Variants in DLX3 observed in about 807,000 individuals in gnomAD.
DLX3 encodes the protein distal-less homeobox 3, also known as homeobox protein DLX-3.
A neutral mutation model predicts 28.0 loss-of-function variants in DLX3; 9 were observed. The observed-to-expected ratio is 0.32, with a 90% CI of 0.19 to 0.56. DLX3 has a LOEUF of 0.56. DLX3 is among the 20% of genes least tolerant of loss of function. DLX3 has a pLI of 0.91. For missense variants in DLX3, 313 were observed against 378.2 expected (o/e 0.83, Z 1.43); for synonymous variants, 154 against 167.9 (o/e 0.92, Z 0.64).
At chr17:49,992,332 CACAGAG>C (rs376939799) in intron 2 of DLX3, among the ~76,000 whole-genome samples, 78 of 152,258 alleles carry the variant, frequency 5.1e-4, no homozygotes, top group African/African-American at 1.7e-3. Flanking sequence ...TGCACAGATA[CACAGAG>C]ACAAACACAC....
chr17:49,993,959 C>G (rs1427193910), intron 1 of DLX3, among the ~76,000 whole-genome samples: 1 of 152,088 alleles, frequency 6.6e-6, no homozygotes, highest in African/African-American at 2.4e-5. Context: ...ATCTCGCCGT[C>G]GGTTGTTTCT....
At chr17:49,994,424 T>C (rs1184884603) in intron 1 of DLX3, among the ~76,000 whole-genome samples, 1 of 152,108 alleles carries the variant, frequency 6.6e-6, no homozygotes, top group Non-Finnish European at 1.5e-5. Flanking sequence ...AGCCTTCCCC[T>C]TCCTCTCTCA....
At chr17:49,993,336 G>T in intron 2 of DLX3, 64 bp downstream of exon 2, 2 of 1,512,074 alleles carry the variant, frequency 1.3e-6, no homozygotes, top group Non-Finnish European at 1.8e-6. Context: ...AGCCAGGCTC[G>T]GCAGCGCGCG....
chr17:49,994,941 G>A lies in DLX3; in HGVS notation c.58C>T (p.Leu20Phe), dbSNP rs1906225801. The A allele has an allele frequency of 6.2e-7, 1 of 1,613,920 alleles. No individual in the cohort carries two copies. Among genetic ancestry groups the A allele is most frequent in the African/African-American group, 1.3e-5 (1 of 75,068 alleles). ...SSILTDISSSLSCHAGSKDSP... is the reference protein window; with the variant it reads ...SSILTDISSSFSCHAGSKDSP... ...TCCTTGGAGCCCGCATGGCAGCTAA[G>A]GGAGCTGGAGATGTCGGTGAGGATG... Residue 20 changes from leucine (L) to phenylalanine (F), a missense_variant, in exon 1 of 3, where the codon CTT becomes TTT. This residue lies in a region of DLX3 where 183 missense variants were observed against 197.7 expected (regional missense o/e 0.93). Coordinates refer to ENST00000434704, the MANE Select transcript of DLX3 (RefSeq NM_005220.3).
chr17:49,993,356 G>C (rs757642172), intron 2 of DLX3, 44 bp downstream of exon 2: 5 of 1,542,664 alleles, frequency 3.2e-6, no homozygotes, highest in Admixed American at 1.9e-5. Flanking sequence ...GGGGAACTAC[G>C]GGGTCCCGCG....
At position 49,993,294 on chromosome 17, in the gene DLX3, G is replaced by A. The variant is rs1906157265; in HGVS notation, c.516+106C>T. 14 of 1,244,674 alleles carry A rather than the reference G, an allele frequency of 1.1e-5. No individual in the cohort carries two copies. The East Asian group carries it at 3.3e-4, about 29-fold the overall frequency. The allele number at this position is 1,244,674 out of a possible 1,614,324, so 77.1% of individuals were successfully genotyped here. A position where few individuals can be genotyped will look rare whatever the true frequency, so the allele number is the denominator to read the frequency against. On this transcript the variant is annotated intron_variant, in intron 2 of 2. Transcript: ENST00000434704. ...GCAGGCCCCCATCCCAAAGGCAAGA[G>A]TTCCAGGAGCCCGCAGGGCCCTTCA...
At position 49,993,416 on chromosome 17, in the gene DLX3, CCCAGCTGCGCGG is replaced by C; in HGVS notation, c.488_499del (p.Ala163_Leu166del). 1 of 1,605,674 alleles carries C rather than the reference CCCAGCTGCGCGG, an allele frequency of 6.2e-7. No individual in the cohort carries two copies. The highest frequency in any genetic ancestry group is 8.5e-7 in the Non-Finnish European group (1 of 1,178,632). On this transcript the variant is annotated inframe_deletion, in exon 2 of 3. Coordinates refer to ENST00000434704, the MANE Select transcript of DLX3 (RefSeq NM_005220.3). The stretch of plus-strand genomic sequence containing the variant: ...AACACCAACCTGTGTCTGCGTGAGG[CCCAGCTGCGCGG>C]CCAGCTCGGCGCGCTCGGGCAGCGC...
rs960576274 is a variant in DLX3 at position 49,990,068 on chromosome 17, G to A, written c.*1449C>T. Reference sequence around the variant, plus strand: ...GAGTCCAGTAAGAAAGCAGAAATGAGAAGGCTGGGAGGGGGTGGGAGATGG... The same window carrying A: ...GAGTCCAGTAAGAAAGCAGAAATGAAAAGGCTGGGAGGGGGTGGGAGATGG... On this transcript the variant is annotated 3_prime_UTR_variant, in exon 3 of 3. Coordinates refer to ENST00000434704, the MANE Select transcript of DLX3 (RefSeq NM_005220.3). 2 of 152,520 alleles carry A rather than the reference G, an allele frequency of 1.3e-5. No homozygotes were observed. The highest frequency in any genetic ancestry group is 6.5e-5 in the Admixed American group (1 of 15,268). The allele number at this position is 152,520 out of a possible 1,614,324, so 9.4% of individuals were successfully genotyped here.
At position 49,991,621 on chromosome 17, in the gene DLX3, C is replaced by T. The variant is rs1032099378; in HGVS notation, c.760G>A (p.Ala254Thr). The T allele has an allele frequency of 1.1e-5, 18 of 1,613,366 alleles. No individual in the cohort carries two copies. Among genetic ancestry groups the T allele is most frequent in the Non-Finnish European group, 1.5e-5 (18 of 1,179,982 alleles). ...LDDPTNSWYH[A>T]QNLSGPHLQQ... ...AAGTGGGGTCCACTCAGGTTCTGTG[C>T]GTGATACCAGGAGTTGGTGGGGTCG... The change falls in exon 3 of 3, where the codon GCA (alanine) becomes ACA (threonine). Residue 254 changes from alanine (A) to threonine (T), a missense_variant. Around this residue, in one of 3 missense-constraint regions of DLX3, gnomAD observed 120 missense variants for 145.4 expected, o/e 0.83. Transcript: ENST00000434704.
Position 49,995,002 on chromosome 17 carries a change from G to C in DLX3, c.-4C>G, listed in dbSNP as rs1353967040. On this transcript the variant is annotated 5_prime_UTR_variant, in exon 1 of 3. Transcript: ENST00000434704. ...TGCGATCGAAGGAGCCACTCATCCTGGCGGGCGCTGCACCTCCCCAGGGCT... is the reference window on the plus strand; with the variant it reads ...TGCGATCGAAGGAGCCACTCATCCTCGCGGGCGCTGCACCTCCCCAGGGCT... 1.2e-6 allele frequency: 2 copies of C among 1,610,326 alleles called. No homozygotes were observed. The highest frequency in any genetic ancestry group is 1.7e-5 in the Admixed American group (1 of 60,006).
At position 49,995,215 on chromosome 17, in the gene DLX3, A is replaced by G. The variant is rs1483547935; in HGVS notation, c.-217T>C. ...GCCTCTCCTCGCGTCCCAAGCCACAATCAAATGCTGCCAGCTCCGCCCGGC... is the reference window on the plus strand; with the variant it reads ...GCCTCTCCTCGCGTCCCAAGCCACAGTCAAATGCTGCCAGCTCCGCCCGGC... On this transcript the variant is annotated 5_prime_UTR_variant, in exon 1 of 3. Transcript: ENST00000434704. 1.1e-5 allele frequency: 7 copies of G among 633,198 alleles called. No individual in the cohort carries two copies. Among genetic ancestry groups the G allele is most frequent in the East Asian group, 2.8e-5 (1 of 35,674 alleles). The allele number at this position is 633,198 out of a possible 1,614,324, so 39.2% of individuals were successfully genotyped here. A position where few individuals can be genotyped will look rare whatever the true frequency, so the allele number is the denominator to read the frequency against.
intron 1 of DLX3, among the ~76,000 whole-genome samples, chr17:49,993,890 C>T (rs1906190928): frequency 6.6e-6 from 1 of 152,118 alleles, no homozygotes; most frequent in African/African-American, 2.4e-5. Flanking sequence ...CTTCCCGGCT[C>T]GCCTCCCAGC....
intron 2 of DLX3, among the ~76,000 whole-genome samples, chr17:49,993,042 C>T (rs1167117085): frequency 6.6e-6 from 1 of 152,184 alleles, no homozygotes; most frequent in Non-Finnish European, 1.5e-5. Context: ...CAGACCCACA[C>T]AGCATGTGTG....
Position 49,995,017 on chromosome 17 carries a change from T to A in DLX3, c.-19A>T, listed in dbSNP as rs764020124. ...CACTCATCCTGGCGGGCGCTGCACC[T>A]CCCCAGGGCTGGCCTCCGCAGAGGA... is the stretch of plus-strand genomic sequence containing the variant. On this transcript the variant is annotated 5_prime_UTR_variant, in exon 1 of 3. Transcript: ENST00000434704. 3.7e-6 allele frequency: 6 copies of A among 1,607,518 alleles called. No individual in the cohort carries two copies. In the South Asian group the frequency reaches 6.6e-5, roughly 18 times the overall value.
chr17:49,993,408 G>C lies in DLX3; in HGVS notation c.508C>G (p.Gln170Glu), dbSNP rs1375088888. 6.2e-7 allele frequency: 1 copy of C among 1,603,380 alleles called. No homozygotes were observed. The highest frequency in any genetic ancestry group is 8.5e-7 in the Non-Finnish European group (1 of 1,178,330). The stretch of plus-strand genomic sequence containing the variant: ...GACAGCCAAACACCAACCTGTGTCT[G>C]CGTGAGGCCCAGCTGCGCGGCCAGC... The part of the protein sequence containing the change: ...AELAAQLGLT[Q>E]TQVKIWFQNR... The change falls in exon 2 of 3, where the codon CAG (glutamine) becomes GAG (glutamate). Residue 170 changes from glutamine (Q) to glutamate (E), a missense_variant. Gln to Glu is a conservative substitution (Grantham distance 29). This residue lies in a region of DLX3 where 10 missense variants were observed against 35.2 expected (regional missense o/e 0.28). Transcript: ENST00000434704.
At chr17:49,994,602 C>T (rs914249992) in intron 1 of DLX3, 72 bp downstream of exon 1, 2 of 1,565,346 alleles carry the variant, frequency 1.3e-6, no homozygotes, top group East Asian at 2.2e-5. Flanking sequence ...TTTTGGCTTC[C>T]AGTCCATGCC....
rs1906217397 is a variant in DLX3, at chr17:49,994,735, G to A, written c.264C>T (p.Tyr88=). The part of the protein sequence containing the change: ...GAYSPKSEYT[Y]GASYRQYGAY... ...CCCCGTATTGCCGGTAGGAGGCTCC[G>A]TAGGTATATTCCGACTTGGGCGAGT... Residue 88 remains tyrosine (Y), a synonymous_variant, in exon 1 of 3, where the codon TAC becomes TAT. Transcript: ENST00000434704. 1 of 1,614,176 alleles carries A rather than the reference G, an allele frequency of 6.2e-7. No homozygotes were observed. Among genetic ancestry groups the A allele is most frequent in the Non-Finnish European group, 8.5e-7 (1 of 1,180,032 alleles).
rs749489409 is a variant in DLX3 at position 49,994,775 on chromosome 17, G to C, written c.224C>G (p.Ala75Gly). ...YHHQFNLNGL[A>G]GTGAYSPKSE... ...CTTGGGCGAGTAAGCGCCCGTGCCT[G>C]CAAGCCCATTGAGATTGAATTGGTG... The change falls in exon 1 of 3, where the codon GCA (alanine) becomes GGA (glycine). Residue 75 changes from alanine to glycine, a missense_variant. Physicochemically the swap from Ala to Gly is moderately conservative, Grantham distance 60 (BLOSUM62 0). Coordinates refer to ENST00000434704, the MANE Select transcript of DLX3 (RefSeq NM_005220.3). 6.2e-7 allele frequency: 1 copy of C among 1,614,222 alleles called. No homozygotes were observed. Among genetic ancestry groups the C allele is most frequent in the Admixed American group, 1.7e-5 (1 of 60,030 alleles).
At chr17:49,993,373 C>G (rs780722055) in intron 2 of DLX3, 27 bp downstream of exon 2, 35 of 1,573,808 alleles carry the variant, frequency 2.2e-5, no homozygotes, top group Non-Finnish European at 1.7e-6. Flanking sequence ...CGCGCGCCCC[C>G]GCGGCCCTGG....
Sources: gnomAD v4.1 joint callset for allele counts (sites outside exome capture counted in the v4.1 genomes callset) on GRCh38, gnomAD v4.1.1 for gene constraint, gnomAD v4.1.1 regional missense constraint, MANE v1.5 for transcripts, NCBI Gene and HGNC (gene_info 2026-07-23, HGNC 2026-07-21) for gene names.